Variants in DNAJC1 observed in about 807,000 individuals in gnomAD.
The protein encoded by DNAJC1 is dnaJ homolog subfamily C member 1.
DNAJC1 carries 58 observed loss-of-function variants against 76.6 expected under a neutral mutation model. The ratio of observed to expected loss-of-function variants is 0.76; its 90% CI spans 0.61 to 0.94. The LOEUF is 0.94. Ranked by LOEUF, DNAJC1 falls within the 40% of genes least tolerant of loss-of-function variation. The pLI is 0.00. For synonymous variants in DNAJC1, 258 were observed against 267.9 expected (o/e 0.96, Z 0.36); for missense variants, 689 against 677.3 (o/e 1.02, Z -0.19).
chr10:21,900,537 G>T (rs1376754791), intron 7 of DNAJC1, among the ~76,000 whole-genome samples: 2 of 152,042 alleles, frequency 1.3e-5, no homozygotes, highest in East Asian at 3.9e-4. Context: ...TATTTGAGTT[G>T]TATGATTTTA....
intron 8 of DNAJC1, among the ~76,000 whole-genome samples, chr10:21,850,838 G>T (rs1835739711): frequency 6.6e-6 from 1 of 152,080 alleles, no homozygotes; most frequent in African/African-American, 2.4e-5. Context: ...TAGAACAAGA[G>T]AAAAGAATAG....
chr10:21,828,493 G>A (rs746256383), intron 8 of DNAJC1, among the ~76,000 whole-genome samples: 1 of 152,196 alleles, frequency 6.6e-6, no homozygotes, highest in Non-Finnish European at 1.5e-5. Context: ...TGGCAGCGGG[G>A]TGTACTGGAT....
In DNAJC1 at chr10:21,820,314, G is replaced by C. The variant is rs533802955; in HGVS notation, c.979-14215C>G. 2.6e-5 allele frequency among the ~76,000 whole-genome samples: 4 copies of C among 152,218 alleles called. No individual in the cohort carries two copies. The East Asian group carries it at 7.7e-4, about 29-fold the overall frequency. The stretch of plus-strand genomic sequence containing the variant: ...GGGGGGGATATGCCACATTTTGTCT[G>C]TGTTATCCATCTGATGGACATTTGG... On this transcript the variant is annotated intron_variant, in intron 8 of 11. Coordinates refer to ENST00000376980, the MANE Select transcript of DNAJC1 (RefSeq NM_022365.4).
intron 1 of DNAJC1, among the ~76,000 whole-genome samples, chr10:21,946,103 C>T (rs1368528001): frequency 3.8e-5 from 5 of 129,914 alleles, no homozygotes; most frequent in Non-Finnish European, 7.7e-5. Flanking sequence ...TGCAGTGGCG[C>T]GATCTCAGCT....
intron 6 of DNAJC1, among the ~76,000 whole-genome samples, chr10:21,910,211 G>A (rs1836832010): frequency 6.6e-6 from 1 of 151,888 alleles, no homozygotes; most frequent in Admixed American, 6.6e-5. Flanking sequence ...CACCTTCTGG[G>A]TTCAAGCGAT....
chr10:21,877,538 G>T (rs1186271402), intron 8 of DNAJC1, among the ~76,000 whole-genome samples: 1 of 152,116 alleles, frequency 6.6e-6, no homozygotes, highest in East Asian at 1.9e-4. Flanking sequence ...ACTTCACTTA[G>T]TAAGATATCA....
chr10:21,841,807 T>C (rs898924047), intron 8 of DNAJC1, among the ~76,000 whole-genome samples: 3 of 152,140 alleles, frequency 2.0e-5, no homozygotes, highest in Non-Finnish European at 2.9e-5. Context: ...CGTATGTTTA[T>C]AGCGGCACTG....
intron 9 of DNAJC1, among the ~76,000 whole-genome samples, chr10:21,800,117 C>T (rs907465834): frequency 6.6e-6 from 1 of 152,162 alleles, no homozygotes; most frequent in Non-Finnish European, 1.5e-5. Flanking sequence ...GTATTATTTA[C>T]TGAACAATGA....
At chr10:21,935,377 G>A (rs1050304423) in intron 1 of DNAJC1, among the ~76,000 whole-genome samples, 5 of 152,036 alleles carry the variant, frequency 3.3e-5, no homozygotes, top group African/African-American at 9.7e-5. Context: ...CAGCAGGCTT[G>A]AGTAGGCAGA....
At chr10:21,776,995 T>C (rs897073219) in intron 9 of DNAJC1, among the ~76,000 whole-genome samples, 2 of 152,180 alleles carry the variant, frequency 1.3e-5, no homozygotes, top group African/African-American at 4.8e-5. Context: ...ATAGCTCAGG[T>C]ATCACCATTC....
chr10:21,983,531 C>T (rs2131839705), intron 1 of DNAJC1, among the ~76,000 whole-genome samples: 1 of 152,144 alleles, frequency 6.6e-6, no homozygotes, highest in East Asian at 1.9e-4. Flanking sequence ...TCGAGACCAG[C>T]CTGTCAAACG....
intron 8 of DNAJC1, among the ~76,000 whole-genome samples, chr10:21,842,490 G>A (rs1227272871): frequency 6.6e-6 from 1 of 152,202 alleles, no homozygotes; most frequent in African/African-American, 2.4e-5. Flanking sequence ...GTCAGAATAA[G>A]TTACAAGTAC....
intron 1 of DNAJC1, among the ~76,000 whole-genome samples, chr10:21,958,970 C>T (rs1478418575): frequency 6.6e-6 from 1 of 151,962 alleles, no homozygotes; most frequent in Non-Finnish European, 1.5e-5. Flanking sequence ...CCAGTTTATG[C>T]TCTTTTAATA....
chr10:21,940,105 A>G (rs1387332210), intron 1 of DNAJC1, among the ~76,000 whole-genome samples: 2 of 152,160 alleles, frequency 1.3e-5, no homozygotes, highest in East Asian at 3.8e-4. Context: ...TCATCACAGT[A>G]TCTTCAGGAT....
chr10:21,817,791 C>T (rs1183093200), intron 8 of DNAJC1, among the ~76,000 whole-genome samples: 1 of 152,126 alleles, frequency 6.6e-6, no homozygotes. Flanking sequence ...TTATGCCTGT[C>T]TTTACGGCAA....
At chr10:21,869,676 A>C (rs530595083) in intron 8 of DNAJC1, among the ~76,000 whole-genome samples, 1 of 152,250 alleles carries the variant, frequency 6.6e-6, no homozygotes, top group South Asian at 2.1e-4. Context: ...GTGATTATTA[A>C]GGAGAAGTAT....
At chr10:21,883,251 A>AACACACACACACACACAC (rs3032395) in intron 7 of DNAJC1, among the ~76,000 whole-genome samples, 174 of 129,016 alleles carry the variant, frequency 1.3e-3, no homozygotes, top group South Asian at 3.5e-3. Context: ...TTCTATCTCA[A>AACACACACACACACACAC]ACACACACAC....
At chr10:21,958,046 C>T (rs951326248) in intron 1 of DNAJC1, among the ~76,000 whole-genome samples, 8 of 152,062 alleles carry the variant, frequency 5.3e-5, no homozygotes, top group Non-Finnish European at 1.0e-4. Flanking sequence ...CTGGTTTTAC[C>T]AAGGATTTGG....
intron 1 of DNAJC1, among the ~76,000 whole-genome samples, chr10:21,937,669 CT>C (rs1239075117): frequency 6.6e-6 from 1 of 152,072 alleles, no homozygotes; most frequent in Non-Finnish European, 1.5e-5. Flanking sequence ...ACGCATTTTT[CT>C]GAAGTGCATA....
Sources: gnomAD v4.1 joint callset for allele counts (sites outside exome capture counted in the v4.1 genomes callset) on GRCh38, gnomAD v4.1.1 for gene constraint, MANE v1.5 for transcripts, NCBI Gene and HGNC (gene_info 2026-07-23, HGNC 2026-07-21) for gene names.